Variants in EMSY observed in about 807,000 individuals in gnomAD.
EMSY encodes BRCA2-interacting transcriptional repressor EMSY.
A neutral mutation model predicts 134.6 loss-of-function variants in EMSY; 26 were observed. The ratio of observed to expected loss-of-function variants is 0.19; its 90% CI spans 0.14 to 0.27. EMSY has a LOEUF of 0.27. Among genes scored for constraint, EMSY ranks in the 10% least tolerant of loss-of-function variants. EMSY has a pLI of 1.00. For synonymous variants in EMSY, 579 were observed against 577.8 expected (o/e 1.00, Z -0.03); for missense variants, 1,305 against 1,611.4 (o/e 0.81, Z 3.26).
At chr11:76,463,564 G>C (rs1029555237) in intron 6 of EMSY, among the ~76,000 whole-genome samples, 7 of 151,372 alleles carry the variant, frequency 4.6e-5, no homozygotes, top group Non-Finnish European at 1.0e-4. Context: ...CGGAGCTTGC[G>C]GTGAGCCGAG....
chr11:76,538,882 C>T (rs777353650), intron 16 of EMSY, among the ~76,000 whole-genome samples: 35 of 152,072 alleles, frequency 2.3e-4, no homozygotes, highest in Non-Finnish European at 3.8e-4. Context: ...CCCTTGAATC[C>T]GGAAGGCAGA....
At chr11:76,454,381 T>G (rs1391636147) in intron 4 of EMSY, among the ~76,000 whole-genome samples, 1 of 152,126 alleles carries the variant, frequency 6.6e-6, no homozygotes, top group Non-Finnish European at 1.5e-5. Context: ...AGGTATGCAC[T>G]GTAGAAATTT....
At chr11:76,533,882 A>G (rs1951133100) in intron 14 of EMSY, among the ~76,000 whole-genome samples, 1 of 152,162 alleles carries the variant, frequency 6.6e-6, no homozygotes, top group African/African-American at 2.4e-5. Flanking sequence ...GATAGACAGT[A>G]GCTTCATTTA....
chr11:76,470,124 G>A (rs1485187205), intron 7 of EMSY, among the ~76,000 whole-genome samples: 1 of 152,124 alleles, frequency 6.6e-6, no homozygotes, highest in Non-Finnish European at 1.5e-5. Flanking sequence ...TCTTTGAGAT[G>A]TAGGTCCTGA....
At chr11:76,458,511 C>A in intron 5 of EMSY, 153 bp downstream of exon 6, 1 of 795,228 alleles carries the variant, frequency 1.3e-6, no homozygotes. Context: ...AATTAGACTG[C>A]CAGGTTTTTA....
At chr11:76,470,556 C>A (rs1339166633) in intron 7 of EMSY, among the ~76,000 whole-genome samples, 2 of 152,118 alleles carry the variant, frequency 1.3e-5, no homozygotes, top group East Asian at 3.9e-4. Flanking sequence ...TGACTTTGAT[C>A]ACTTTTCTTT....
intron 14 of EMSY, among the ~76,000 whole-genome samples, chr11:76,530,553 T>G (rs1004008133): frequency 3.3e-5 from 5 of 152,216 alleles, no homozygotes; most frequent in Non-Finnish European, 5.9e-5. Flanking sequence ...GCCATTACTT[T>G]TAATGGCAAA....
intron 16 of EMSY, among the ~76,000 whole-genome samples, chr11:76,539,025 A>G (rs952475726): frequency 2.0e-5 from 3 of 152,200 alleles, no homozygotes; most frequent in African/African-American, 7.2e-5. Context: ...TCTGGTGGAA[A>G]GCAGATTAGC....
At chr11:76,466,613 C>G (rs553280208) in intron 7 of EMSY, among the ~76,000 whole-genome samples, 1 of 152,098 alleles carries the variant, frequency 6.6e-6, no homozygotes, top group Non-Finnish European at 1.5e-5. Context: ...CTTAAAGAAC[C>G]TCCTCGAGTT....
intron 9 of EMSY, among the ~76,000 whole-genome samples, chr11:76,502,250 C>T (rs1949892259): frequency 7.9e-6 from 1 of 126,402 alleles, no homozygotes; most frequent in South Asian, 2.6e-4. Context: ...CACTTATATT[C>T]CATATTATAC....
At chr11:76,526,939 A>G (rs927301555) in intron 13 of EMSY, among the ~76,000 whole-genome samples, 46 of 152,194 alleles carry the variant, frequency 3.0e-4, no homozygotes, top group African/African-American at 1.0e-3. Flanking sequence ...AGGGAGGATC[A>G]TAGTCATTCA....
chr11:76,448,380 C>T (rs974334767), intron 2 of EMSY, among the ~76,000 whole-genome samples: 5 of 151,702 alleles, frequency 3.3e-5, no homozygotes, highest in Non-Finnish European at 7.4e-5. Flanking sequence ...TAGTTTTCTA[C>T]ACTTGCATAC....
intron 20 of EMSY, chr11:76,547,124 T>G: frequency 2.2e-6 from 1 of 449,500 alleles, no homozygotes; most frequent in Non-Finnish European, 4.5e-6. Context: ...TTCTTGACAT[T>G]TGTCATTCTT....
At chr11:76,448,286 G>A (rs1268554009) in intron 2 of EMSY, among the ~76,000 whole-genome samples, 2 of 151,802 alleles carry the variant, frequency 1.3e-5, no homozygotes, top group African/African-American at 2.4e-5. Context: ...TTTAAAGCAA[G>A]TCTAAGAGAG....
rs1327752302 is a variant in EMSY at position 76,546,267 on chromosome 11, T to C, written c.3744T>C (p.Ala1248=). Residue 1248 remains alanine, a synonymous_variant, in exon 20 of 21, where the codon GCT becomes GCC. Coordinates refer to ENST00000334736, the Ensembl canonical transcript of EMSY. ...TTCAGAATGTAGGCCAAAAGAAAGC[T>C]GAAGAGAGTCCAGCAGAAATTATCA... 3 of 1,612,692 alleles carry C rather than the reference T, an allele frequency of 1.9e-6. No individual in the cohort carries two copies. In the African/African-American group the frequency reaches 4.0e-5, roughly 22 times the overall value.
At chr11:76,453,521 A>AT in intron 4 of EMSY, 133 bp downstream of exon 4, 1 of 760,318 alleles carries the variant, frequency 1.3e-6, no homozygotes, top group East Asian at 3.0e-5. Context: ...GATCCTGATC[A>AT]TAGCAGTAAA....
At chr11:76,528,494 A>C in intron 14 of EMSY, 28 bp downstream of exon 15, 1 of 1,546,868 alleles carries the variant, frequency 6.5e-7, no homozygotes, top group African/African-American at 1.4e-5. Context: ...TCTGATTTAT[A>C]TAAGTACTAC....
intron 14 of EMSY, among the ~76,000 whole-genome samples, chr11:76,529,656 T>C (rs1490624114): frequency 2.0e-5 from 3 of 152,156 alleles, no homozygotes; most frequent in African/African-American, 7.2e-5. Context: ...AAAGTTGACA[T>C]GCCAGTGAGG....
chr11:76,550,781 G>A (rs1282138699), exon 21 of EMSY: 1 of 152,224 alleles, frequency 6.6e-6, no homozygotes, highest in Non-Finnish European at 1.5e-5. Flanking sequence ...TTGTTCCTTT[G>A]TGCTCTAAGC....
Sources: allele counts gnomAD v4.1 joint callset (sites outside exome capture counted in the v4.1 genomes callset), GRCh38; gene constraint gnomAD v4.1.1; transcripts MANE v1.5; gene names NCBI Gene and HGNC (gene_info 2026-07-23, HGNC 2026-07-21).